DLG2: variants seen among roughly 807,000 people sequenced by gnomAD.
DLG2 encodes the protein disks large homolog 2.
Under a neutral mutation model 132.5 loss-of-function variants are expected in DLG2, and 45 were observed. That is an observed-to-expected ratio of 0.34 (90% confidence interval 0.27 to 0.44). The LOEUF (loss-of-function observed/expected upper bound fraction) is 0.44. Among genes scored for constraint, DLG2 ranks in the 20% least tolerant of loss-of-function variants. DLG2 has a pLI of 1.00. For missense variants in DLG2, 1,045 were observed against 1,196.9 expected (o/e 0.87, Z 1.87); for synonymous variants, 424 against 419.6 (o/e 1.01, Z -0.13).
intron 7 of DLG2, among the ~76,000 whole-genome samples, chr11:84,463,979 T>A (rs1011026905): frequency 7.9e-5 from 12 of 151,276 alleles, no homozygotes; most frequent in African/African-American, 2.9e-4. Context: ...AGTGAATGAA[T>A]TAGCAATTAT....
At chr11:84,267,453 A>C (rs2097655411) in intron 7 of DLG2, among the ~76,000 whole-genome samples, 1 of 152,202 alleles carries the variant, frequency 6.6e-6, no homozygotes. Flanking sequence ...TCCGTCCTTC[A>C]TCTTCTTTAG....
chr11:85,217,377 T>C (rs560653460), intron 4 of DLG2, among the ~76,000 whole-genome samples: 10 of 150,790 alleles, frequency 6.6e-5, no homozygotes, highest in African/African-American at 2.4e-4. Context: ...GAGTCAATTA[T>C]ACACAATTGC....
intron 6 of DLG2, among the ~76,000 whole-genome samples, chr11:85,093,179 T>C (rs2069099519): frequency 6.6e-6 from 1 of 152,184 alleles, no homozygotes; most frequent in Non-Finnish European, 1.5e-5. Flanking sequence ...TGTTATTGAT[T>C]CAGAAGGTTG....
At chr11:84,905,101 G>A (rs988069985) in intron 6 of DLG2, among the ~76,000 whole-genome samples, 1 of 152,052 alleles carries the variant, frequency 6.6e-6, no homozygotes, top group African/African-American at 2.4e-5. Flanking sequence ...GGTCAGGCTG[G>A]CCTTGAACTC....
At chr11:83,494,926 C>G (rs2094068683) in intron 21 of DLG2, among the ~76,000 whole-genome samples, 1 of 152,172 alleles carries the variant, frequency 6.6e-6, no homozygotes, top group African/African-American at 2.4e-5. Context: ...GATTCAAATG[C>G]AATCAGGACA....
chr11:85,127,367 C>G (rs2075254481), intron 5 of DLG2, among the ~76,000 whole-genome samples: 1 of 118,958 alleles, frequency 8.4e-6, no homozygotes, highest in Non-Finnish European at 2.0e-5. Context: ...TTTTCACTTC[C>G]TCAGGAAAGC....
chr11:84,240,646 A>C (rs1467112114), intron 8 of DLG2, among the ~76,000 whole-genome samples: 1 of 152,142 alleles, frequency 6.6e-6, no homozygotes, highest in African/African-American at 2.4e-5. Context: ...ATTGAGATCT[A>C]AAAGATGGGA....
chr11:85,477,232 G>A (rs1444504593), intron 3 of DLG2, among the ~76,000 whole-genome samples: 1 of 152,104 alleles, frequency 6.6e-6, no homozygotes, highest in Non-Finnish European at 1.5e-5. Flanking sequence ...AAAAATGCAT[G>A]CATGTTTCTA....
chr11:85,624,536 A>T (rs2081935867), intron 2 of DLG2, among the ~76,000 whole-genome samples: 1 of 152,228 alleles, frequency 6.6e-6, no homozygotes, highest in African/African-American at 2.4e-5. Flanking sequence ...GAGGACAGTG[A>T]TCCCTGCAGA....
intron 9 of DLG2, among the ~76,000 whole-genome samples, chr11:84,137,266 T>A (rs2094637182): frequency 6.6e-6 from 1 of 152,110 alleles, no homozygotes. Context: ...TATGAAACTG[T>A]CTAAGCATGG....
intron 6 of DLG2, among the ~76,000 whole-genome samples, chr11:84,741,053 GCT>G (rs2064560731): frequency 2.3e-5 from 3 of 131,396 alleles, no homozygotes; most frequent in African/African-American, 6.0e-5. Context: ...GTGTGCCTAT[GCT>G]CTTTTTTTTT....
At chr11:84,625,005 C>T (rs912978240) in intron 6 of DLG2, among the ~76,000 whole-genome samples, 1 of 149,002 alleles carries the variant, frequency 6.7e-6, no homozygotes, top group African/African-American at 2.5e-5. Context: ...GGACTACAGG[C>T]GCCCGCCACT....
At chr11:85,234,243 C>T (rs755825987) in intron 4 of DLG2, among the ~76,000 whole-genome samples, 1 of 151,930 alleles carries the variant, frequency 6.6e-6, no homozygotes, top group East Asian at 1.9e-4. Flanking sequence ...TTAAAAAATA[C>T]AGAGTATATA....
intron 3 of DLG2, among the ~76,000 whole-genome samples, chr11:85,594,953 C>A (rs2079627868): frequency 6.6e-6 from 1 of 150,812 alleles, no homozygotes; most frequent in African/African-American, 2.4e-5. Flanking sequence ...GTAATCCCAG[C>A]TACTCGGGAG....
intron 6 of DLG2, among the ~76,000 whole-genome samples, chr11:84,852,385 C>A (rs898025481): frequency 2.0e-5 from 3 of 151,968 alleles, no homozygotes; most frequent in Non-Finnish European, 4.4e-5. Context: ...CCATGAAGGG[C>A]AAATAGGTGT....
At chr11:83,724,640 T>C (rs144085020) in intron 18 of DLG2, among the ~76,000 whole-genome samples, 4 of 152,218 alleles carry the variant, frequency 2.6e-5, no homozygotes, top group Non-Finnish European at 4.4e-5. Context: ...AATTCACTGA[T>C]TGTTGTTCTC....
chr11:85,590,076 T>C (rs2079215564), intron 3 of DLG2, among the ~76,000 whole-genome samples: 1 of 152,192 alleles, frequency 6.6e-6, no homozygotes, highest in African/African-American at 2.4e-5. Context: ...ATTTAATATC[T>C]TACTTGTTTA....
chr11:85,167,085 T>G (rs1346172480), intron 4 of DLG2, among the ~76,000 whole-genome samples: 1 of 152,178 alleles, frequency 6.6e-6, no homozygotes, highest in East Asian at 1.9e-4. Context: ...ATGAGCATCA[T>G]GTACAAAATC....
chr11:84,119,125 T>C (rs954927237), intron 9 of DLG2, among the ~76,000 whole-genome samples: 2 of 151,354 alleles, frequency 1.3e-5, no homozygotes, highest in African/African-American at 4.9e-5. Context: ...ACATCTACCA[T>C]ATGGCAAAAG....
Sources: gnomAD v4.1 joint callset for allele counts (sites outside exome capture counted in the v4.1 genomes callset) on GRCh38, gnomAD v4.1.1 for gene constraint, MANE v1.5 for transcripts, NCBI Gene and HGNC (gene_info 2026-07-23, HGNC 2026-07-21) for gene names.